Variants in RWDD1 observed in about 807,000 individuals in gnomAD.
RWDD1 encodes the protein RWD domain-containing protein 1.
A neutral mutation model predicts 31.6 loss-of-function variants in RWDD1; 17 were observed. The observed-to-expected ratio is 0.54, with a 90% confidence interval of 0.37 to 0.81. The LOEUF (loss-of-function observed/expected upper bound fraction) is 0.81, where lower values mean the gene tolerates loss of function less well. Among genes scored for constraint, RWDD1 ranks in the 30% least tolerant of loss-of-function variants. RWDD1 has a pLI of 0.00. For missense variants in RWDD1, 204 were observed against 274.5 expected, an observed-to-expected ratio of 0.74 and a Z score of 1.82; for synonymous variants, 78 against 94.2, an observed-to-expected ratio of 0.83 and a Z score of 0.99.
chr6:116,589,723 T>G (rs1257083676), intron 4 of RWDD1, among the ~76,000 whole-genome samples: 1 of 152,104 alleles, frequency 6.6e-6, no homozygotes, highest in Non-Finnish European at 1.5e-5. Context: ...GGCCTCAGAA[T>G]CATGGTGGGA....
At chr6:116,576,583 T>C (rs1156247722) in intron 1 of RWDD1, among the ~76,000 whole-genome samples, 4 of 152,258 alleles carry the variant, frequency 2.6e-5, no homozygotes, top group South Asian at 2.1e-4. Flanking sequence ...TTCACTGATA[T>C]TCTTGCTGAC....
chr6:116,584,324 A>G (rs1983721), intron 2 of RWDD1, among the ~76,000 whole-genome samples: 63,491 of 152,074 alleles, frequency 0.42, 13,469 homozygotes, highest in East Asian at 0.56. Context: ...TTCGAGGGCT[A>G]TAGCCAGATC....
In RWDD1 at chr6:116,571,564, G is replaced by T; in HGVS notation, c.-19G>T. The T allele has an allele frequency of 6.2e-7, 1 of 1,611,958 alleles. No homozygotes were observed. ...CGCCTAGGTGTCTGGGCGATCTATG[G>T]GCAAGAGCAAGGGCCACGATGACAG... On this transcript the variant is annotated 5_prime_UTR_variant, in exon 1 of 7. Coordinates refer to ENST00000466444, the MANE Select transcript of RWDD1 (RefSeq NM_015952.4).
rs375554841 is a variant in RWDD1 at position 116,592,991 on chromosome 6, G to A, written c.622G>A (p.Val208Met). The stretch of plus-strand genomic sequence containing the variant: ...GTTGCCTTTTGCAGCTGGAAACAAC[G>A]TGGAGGTAGATGAGTCTTTGTTCCA... ...IQFLEDAGNN[V>M]EVDESLFQEM... The change falls in exon 7 of 7, where the codon GTG (valine) becomes ATG (methionine). Residue 208 changes from valine to methionine, a missense_variant. Coordinates refer to ENST00000466444, the MANE Select transcript of RWDD1 (RefSeq NM_015952.4). 53 of 1,609,462 alleles carry A rather than the reference G, an allele frequency of 3.3e-5. 1 individual carries two copies. The highest frequency in any genetic ancestry group is 1.3e-4 in the East Asian group (6 of 44,820).
intron 6 of RWDD1, among the ~76,000 whole-genome samples, chr6:116,591,278 C>A (rs9488976): frequency 0.016 from 2,500 of 152,070 alleles, 77 homozygotes; most frequent in African/African-American, 0.056. Flanking sequence ...TGTTGTAATT[C>A]TATAGCAACA....
In RWDD1 at chr6:116,594,166, T is replaced by C. The variant is rs1159604661; in HGVS notation, c.*1065T>C. 6.7e-6 allele frequency: 1 copy of C among 149,744 alleles called. No individual in the cohort carries two copies. The highest frequency in any genetic ancestry group is 2.5e-5 in the African/African-American group (1 of 40,644). 9.3% of individuals were successfully genotyped at this position (149,744 alleles called of 1,614,324 possible). On this transcript the variant is annotated 3_prime_UTR_variant, in exon 7 of 7. Coordinates refer to ENST00000466444, the MANE Select transcript of RWDD1 (RefSeq NM_015952.4). ...TTGGTGGGAACTCCCTCACCCCTGCTCCCCACAGGAAGGCATTAATCTATT... is the reference window on the plus strand; with the variant it reads ...TTGGTGGGAACTCCCTCACCCCTGCCCCCCACAGGAAGGCATTAATCTATT...
chr6:116,584,639 C>A, intron 2 of RWDD1, 88 bp from the exon 3 acceptor site: 1 of 1,168,594 alleles, frequency 8.6e-7, no homozygotes, highest in Non-Finnish European at 1.2e-6. Flanking sequence ...GTAGGAAAAT[C>A]TATTGTGCTA....
At chr6:116,587,778 T>C (rs535253531) in intron 3 of RWDD1, among the ~76,000 whole-genome samples, 2 of 152,122 alleles carry the variant, frequency 1.3e-5, no homozygotes, top group East Asian at 3.9e-4. Context: ...AGTTAGGAGT[T>C]TCTTGTATTC....
chr6:116,583,064 A>G (rs1456342704), intron 2 of RWDD1, among the ~76,000 whole-genome samples: 1 of 151,642 alleles, frequency 6.6e-6, no homozygotes, highest in Non-Finnish European at 1.5e-5. Flanking sequence ...TGCAGCCTCC[A>G]ACTCCTGGGC....
chr6:116,574,706 T>TC (rs1376661563), intron 1 of RWDD1, among the ~76,000 whole-genome samples: 20 of 151,636 alleles, frequency 1.3e-4, no homozygotes, highest in African/African-American at 4.4e-4. Context: ...CTTTTCTTTC[T>TC]TTCTTTTTTT....
chr6:116,584,787 A>G lies in RWDD1; in HGVS notation c.200A>G (p.Tyr67Cys). Residue 67 changes from tyrosine to cysteine, a missense_variant, in exon 3 of 7, where the codon TAT (tyrosine) becomes TGT (cysteine). Tyr to Cys is a radical substitution (Grantham distance 194). Transcript: ENST00000466444. ...AAATACCCAGATGAAGCTCCCCTTT[A>G]TGAAATATTCTCCCAGGAAAATCTA... The part of the protein sequence containing the change: ...SEKYPDEAPL[Y>C]EIFSQENLED... 6.2e-7 allele frequency: 1 copy of G among 1,605,240 alleles called. No homozygotes were observed. Among genetic ancestry groups the G allele is most frequent in the Non-Finnish European group, 8.5e-7 (1 of 1,172,178 alleles).
At chr6:116,573,937 AT>A in intron 1 of RWDD1, 1 of 920,188 alleles carries the variant, frequency 1.1e-6, no homozygotes, top group African/African-American at 1.8e-5. Context: ...AGGCACATAG[AT>A]TTAGCCTAAC....
At chr6:116,580,110 C>G (rs549416430) in intron 1 of RWDD1, 185 bp from the exon 2 acceptor site, 1 of 372,388 alleles carries the variant, frequency 2.7e-6, no homozygotes, top group Non-Finnish European at 4.8e-6. Flanking sequence ...TAAAGACAAC[C>G]CTCCATTTAA....
At chr6:116,589,063 A>C in intron 4 of RWDD1, 78 bp downstream of exon 4, 2 of 1,117,458 alleles carry the variant, frequency 1.8e-6, no homozygotes, top group Non-Finnish European at 1.1e-6. Context: ...TTTTTTAATC[A>C]ATAGCAGTAT....
intron 3 of RWDD1, among the ~76,000 whole-genome samples, chr6:116,587,057 C>T (rs758918290): frequency 1.3e-5 from 2 of 152,024 alleles, no homozygotes; most frequent in African/African-American, 4.8e-5. Flanking sequence ...GCTTTTCTAT[C>T]GGAATACTTA....
chr6:116,571,508 C>G lies in RWDD1; in HGVS notation c.-75C>G. 2.7e-6 allele frequency: 4 copies of G among 1,479,986 alleles called. No homozygotes were observed. The highest frequency in any genetic ancestry group is 3.6e-6 in the Non-Finnish European group (4 of 1,097,750). 91.7% of individuals were successfully genotyped at this position (1,479,986 alleles called of 1,614,324 possible). A position where few individuals can be genotyped will look rare whatever the true frequency, so the allele number is the denominator to read the frequency against. On this transcript the variant is annotated 5_prime_UTR_variant, in exon 1 of 7. Coordinates refer to ENST00000466444, the MANE Select transcript of RWDD1 (RefSeq NM_015952.4). ...CCCGCCTGGCCGCCGCCCGCTCTCC[C>G]GGCGCGGCAGCTGTCTGGGCTGCTG... is the stretch of plus-strand genomic sequence containing the variant.
chr6:116,578,774 TTTTA>T lies in RWDD1; in HGVS notation c.74-1519_74-1516del, dbSNP rs572524018. Among the ~76,000 whole-genome samples the T allele has an allele frequency of 2.2e-4, 34 of 152,338 alleles. 1 individual carries two copies. The South Asian group carries it at 3.5e-3, about 16-fold the overall frequency. On this transcript the variant is annotated intron_variant, in intron 1 of 6. Transcript: ENST00000466444. ...TATTAAAATATGAATCTACTGAGTCTTTTATCTAACACTTTTCTAGTAATCACAG... is the reference window on the plus strand; with the variant it reads ...TATTAAAATATGAATCTACTGAGTCTTCTAACACTTTTCTAGTAATCACAG...
intron 1 of RWDD1, chr6:116,572,431 A>G (rs191895364): frequency 6.6e-6 from 1 of 152,184 alleles, no homozygotes; most frequent in Non-Finnish European, 1.5e-5. Context: ...GACATATGGG[A>G]CTTGGGATTC....
chr6:116,578,634 T>A (rs1236066125), intron 1 of RWDD1, among the ~76,000 whole-genome samples: 2 of 152,224 alleles, frequency 1.3e-5, no homozygotes, highest in Non-Finnish European at 2.9e-5. Context: ...ATACATCAAC[T>A]ATATTTTACA....
Sources: gnomAD v4.1 joint callset for allele counts (sites outside exome capture counted in the v4.1 genomes callset) on GRCh38, gnomAD v4.1.1 for gene constraint, MANE v1.5 for transcripts, NCBI Gene and HGNC (gene_info 2026-07-23, HGNC 2026-07-21) for gene names.